The following RBKS variants were observed in gnomAD, a reference collection of about 807,000 sequenced individuals.
The protein encoded by RBKS is ribokinase.
In RBKS, 33 loss-of-function variants were observed where a neutral mutation model predicts 33.9. The ratio of observed to expected loss-of-function variants is 0.97; its 90% confidence interval spans 0.74 to 1.30. The LOEUF (loss-of-function observed/expected upper bound fraction) is 1.30. Ranked by LOEUF, RBKS falls within the 50% of genes most tolerant of loss-of-function variation. The pLI is 0.00. For synonymous variants in RBKS, 125 were observed against 143.0 expected, an observed-to-expected ratio of 0.87 and a Z score of 0.90; for missense variants, 361 against 392.6, an observed-to-expected ratio of 0.92 and a Z score of 0.68.
At chr2:27,798,998 C>T (rs899958054) in intron 7 of RBKS, among the ~76,000 whole-genome samples, 2 of 152,182 alleles carry the variant, frequency 1.3e-5, no homozygotes, top group African/African-American at 4.8e-5. Flanking sequence ...TTCATCACCT[C>T]CCTGTCCTGA....
chr2:27,846,056 G>C (rs893042420), intron 4 of RBKS, among the ~76,000 whole-genome samples: 14 of 151,994 alleles, frequency 9.2e-5, no homozygotes, highest in Admixed American at 8.5e-4. Flanking sequence ...CCTCCGCCTT[G>C]TGAGTTCAAG....
chr2:27,845,518 A>AT (rs1262841217), intron 4 of RBKS, among the ~76,000 whole-genome samples: 3 of 145,582 alleles, frequency 2.1e-5, no homozygotes, highest in African/African-American at 5.1e-5. Context: ...GAACTTGAGG[A>AT]TAGTCCTAGA....
chr2:27,835,906 G>A (rs1301597621), intron 5 of RBKS, among the ~76,000 whole-genome samples: 1 of 152,102 alleles, frequency 6.6e-6, no homozygotes, highest in Non-Finnish European at 1.5e-5. Context: ...ATGAGGTAAA[G>A]ACATTACTCT....
At chr2:27,835,264 G>A (rs1208798755) in intron 5 of RBKS, among the ~76,000 whole-genome samples, 4 of 139,518 alleles carry the variant, frequency 2.9e-5, no homozygotes, top group African/African-American at 5.5e-5. Context: ...CAACAAGAGC[G>A]AAACTCTGTC....
chr2:27,814,125 G>A (rs1286403014), intron 7 of RBKS, among the ~76,000 whole-genome samples: 2 of 152,136 alleles, frequency 1.3e-5, no homozygotes, highest in Admixed American at 6.6e-5. Flanking sequence ...GGAGGCTAAG[G>A]TGGGAGGATG....
chr2:27,869,630 CA>C (rs1274763237), intron 1 of RBKS: 1 of 152,578 alleles, frequency 6.6e-6, no homozygotes. Context: ...ATTTATTGTG[CA>C]CTTTATTTCT....
At chr2:27,825,906 G>T (rs1205842474) in intron 7 of RBKS, among the ~76,000 whole-genome samples, 1 of 152,224 alleles carries the variant, frequency 6.6e-6, no homozygotes, top group Non-Finnish European at 1.5e-5. Flanking sequence ...GTAGGTCTTT[G>T]AGGAATCCTC....
chr2:27,889,708 A>G (rs1664666094), intron 1 of RBKS, among the ~76,000 whole-genome samples: 1 of 152,234 alleles, frequency 6.6e-6, no homozygotes, highest in African/African-American at 2.4e-5. Context: ...CTGTAAATAT[A>G]AAATACTGCA....
chr2:27,829,476 C>G (rs886245235), intron 6 of RBKS, among the ~76,000 whole-genome samples: 1 of 148,436 alleles, frequency 6.7e-6, no homozygotes, highest in Non-Finnish European at 1.5e-5. Flanking sequence ...TCACACGATT[C>G]TCCTGCTTCA....
At chr2:27,858,180 G>A (rs1663896603) in intron 2 of RBKS, among the ~76,000 whole-genome samples, 1 of 152,156 alleles carries the variant, frequency 6.6e-6, no homozygotes, top group Non-Finnish European at 1.5e-5. Flanking sequence ...ATAGAATGAA[G>A]ACTGGTGGTT....
intron 7 of RBKS, among the ~76,000 whole-genome samples, chr2:27,789,921 G>GTGTGTATATATATATATATGTATA (rs1558532948): frequency 2.4e-5 from 3 of 127,282 alleles, no homozygotes; most frequent in Non-Finnish European, 4.9e-5. Flanking sequence ...GTGTGTTTGT[G>GTGTGTATATATATATATATGTATA]TGTGTATATA....
intron 6 of RBKS, 145 bp downstream of exon 6, chr2:27,832,541 C>A (rs1004022499): frequency 4.7e-6 from 3 of 636,374 alleles, no homozygotes; most frequent in Non-Finnish European, 8.4e-6. Context: ...CTTTTCTCCA[C>A]ACCCCGGTAA....
chr2:27,814,612 A>G (rs1034269423), intron 7 of RBKS, among the ~76,000 whole-genome samples: 3 of 152,242 alleles, frequency 2.0e-5, no homozygotes, highest in African/African-American at 7.2e-5. Context: ...TGAAGGAAAA[A>G]GATTTTCCTA....
At position 27,795,178 on chromosome 2, in the gene RBKS, T is replaced by C. The variant is rs943109597; in HGVS notation, c.796-13390A>G. Among the ~76,000 whole-genome samples, 6 of 152,302 alleles carry C rather than the reference T, an allele frequency of 3.9e-5. No homozygotes were observed. In the East Asian group the frequency reaches 1.2e-3, roughly 29 times the overall value. ...TTTACAATCCCTTAAAAGTCCTGTG[T>C]GTTCAATTAATGCTTGCTGATGGAC... is the stretch of plus-strand genomic sequence containing the variant. On this transcript the variant is annotated intron_variant, in intron 7 of 7. Transcript: ENST00000302188. The surrounding 1 kb of genome is among the most constrained non-coding windows in gnomAD (Gnocchi z 4.1).
Position 27,781,399 on chromosome 2 carries a change from G to T in RBKS, c.*216C>A. ...TTGTCTTTATGTTTGTACAGATCTT[G>T]GTTGTGGAATCTTTAATTCTGGTTG... On this transcript the variant is annotated 3_prime_UTR_variant, in exon 8 of 8. Transcript: ENST00000302188. The T allele has an allele frequency of 2.0e-6, 1 of 502,720 alleles. No individual in the cohort carries two copies. Among genetic ancestry groups the T allele is most frequent in the East Asian group, 3.3e-5 (1 of 29,878 alleles). 31.1% of individuals were successfully genotyped at this position (502,720 alleles called of 1,614,324 possible). A position where few individuals can be genotyped will look rare whatever the true frequency, so the allele number is the denominator to read the frequency against.
At chr2:27,798,193 G>T (rs1677696779) in intron 7 of RBKS, among the ~76,000 whole-genome samples, 1 of 152,086 alleles carries the variant, frequency 6.6e-6, no homozygotes, top group African/African-American at 2.4e-5. Context: ...AGGAAGTTGG[G>T]GGGTATGTAG....
Position 27,809,233 on chromosome 2 carries a change from C to T in RBKS, c.795+18334G>A, listed in dbSNP as rs181885826. Reference sequence around the variant, plus strand: ...GGGCTTGGGCCAGGAGCCCATTGGGCTGCTCTAGCCTCTCTTCAAGTTCAG... The same window carrying T: ...GGGCTTGGGCCAGGAGCCCATTGGGTTGCTCTAGCCTCTCTTCAAGTTCAG... On this transcript the variant is annotated intron_variant, in intron 7 of 7. Coordinates refer to ENST00000302188, the MANE Select transcript of RBKS (RefSeq NM_022128.3). Among the ~76,000 whole-genome samples the T allele has an allele frequency of 7.7e-3, 1,175 of 152,342 alleles. 11 individuals carry two copies. Among genetic ancestry groups the T allele is most frequent in the Middle Eastern group, 0.041 (12 of 294 alleles).
chr2:27,856,463 G>C (rs978995588), intron 2 of RBKS, among the ~76,000 whole-genome samples: 1 of 152,096 alleles, frequency 6.6e-6, no homozygotes, highest in Admixed American at 6.5e-5. Context: ...TATGGTTTTA[G>C]GATTCATTTC....
chr2:27,802,454 G>A (rs958722718), intron 7 of RBKS, among the ~76,000 whole-genome samples: 2 of 149,494 alleles, frequency 1.3e-5, no homozygotes, highest in Non-Finnish European at 3.0e-5. Flanking sequence ...GTGTGTGTGT[G>A]TATGTGTGTA....
Sources: gnomAD v4.1 joint callset for allele counts (sites outside exome capture counted in the v4.1 genomes callset) on GRCh38, gnomAD v4.1.1 for gene constraint, Gnocchi (gnomAD v3.1) non-coding constraint, MANE v1.5 for transcripts, NCBI Gene and HGNC (gene_info 2026-07-23, HGNC 2026-07-21) for gene names.